The following CDH12 variants were observed in gnomAD, a reference collection of about 807,000 sequenced individuals.
The protein encoded by CDH12 is cadherin 12.
In CDH12, 41 loss-of-function variants were observed where a neutral mutation model predicts 74.1. The ratio of observed to expected loss-of-function variants is 0.55; its 90% CI spans 0.43 to 0.72. The LOEUF (loss-of-function observed/expected upper bound fraction) is 0.72, where lower values mean the gene tolerates loss of function less well. Among genes scored for constraint, CDH12 ranks in the 30% least tolerant of loss-of-function variants. The pLI, the probability that CDH12 is intolerant of heterozygous loss-of-function variation, is 0.00. For synonymous variants in CDH12, 399 were observed against 355.0 expected (o/e 1.12, Z -1.39); for missense variants, 945 against 977.2 (o/e 0.97, Z 0.44).
At chr5:21,995,380 T>A (rs1161361683) in intron 5 of CDH12, among the ~76,000 whole-genome samples, 1 of 151,892 alleles carries the variant, frequency 6.6e-6, no homozygotes, top group African/African-American at 2.4e-5. Flanking sequence ...TACTTCCTAC[T>A]GATGCGTCAG....
At chr5:22,151,180 G>T (rs1385573121) in intron 4 of CDH12, among the ~76,000 whole-genome samples, 1 of 152,050 alleles carries the variant, frequency 6.6e-6, no homozygotes, top group Admixed American at 6.6e-5. Flanking sequence ...GCTTGTCCAA[G>T]GTCACACAGC....
chr5:22,267,541 T>C (rs1736180290), intron 3 of CDH12, among the ~76,000 whole-genome samples: 1 of 152,152 alleles, frequency 6.6e-6, no homozygotes, highest in African/African-American at 2.4e-5. Context: ...AAAAAATTGC[T>C]GAGGGACCTC....
At chr5:21,956,978 T>A (rs1426188807) in intron 6 of CDH12, among the ~76,000 whole-genome samples, 1 of 151,994 alleles carries the variant, frequency 6.6e-6, no homozygotes, top group Non-Finnish European at 1.5e-5. Flanking sequence ...GGTAAACTCG[T>A]GTCACCAGGG....
chr5:21,998,353 T>G (rs1580089043), intron 5 of CDH12, among the ~76,000 whole-genome samples: 1 of 152,056 alleles, frequency 6.6e-6, no homozygotes. Context: ...TTTAAATATA[T>G]ATATACATTT....
intron 1 of CDH12, among the ~76,000 whole-genome samples, chr5:22,542,859 A>C (rs191262642): frequency 1.7e-3 from 257 of 152,274 alleles, no homozygotes; most frequent in Middle Eastern, 0.014. Context: ...GTTCACTGGC[A>C]TTGATAATTT....
intron 4 of CDH12, among the ~76,000 whole-genome samples, chr5:22,173,370 A>G (rs1749148623): frequency 6.9e-6 from 1 of 145,838 alleles, no homozygotes; most frequent in Admixed American, 7.0e-5. Flanking sequence ...TAATTATAAT[A>G]CATACACTTT....
At position 22,375,491 on chromosome 5, in the gene CDH12, A is replaced by T. The variant is rs1741481893; in HGVS notation, c.-333+29766T>A. On this transcript the variant is annotated intron_variant, in intron 3 of 14. Coordinates refer to ENST00000382254, the MANE Select transcript of CDH12 (RefSeq NM_004061.5). ...AAAAAGCTTCTACACAGCAGAGAGA[A>T]ACAGAATGAAGAGACAACCTGTTAA... is the stretch of plus-strand genomic sequence containing the variant. 2.6e-5 allele frequency among the ~76,000 whole-genome samples: 4 copies of T among 152,178 alleles called. No individual in the cohort carries two copies. In the South Asian group the frequency reaches 8.3e-4, roughly 32 times the overall value.
At chr5:22,596,397 C>T (rs974539081) in intron 1 of CDH12, among the ~76,000 whole-genome samples, 43 of 151,958 alleles carry the variant, frequency 2.8e-4, no homozygotes, top group African/African-American at 7.2e-4. Context: ...GCCAAGATGG[C>T]GCCACTGCAC....
chr5:22,300,390 G>A (rs934954377), intron 3 of CDH12, among the ~76,000 whole-genome samples: 2 of 151,400 alleles, frequency 1.3e-5, no homozygotes, highest in East Asian at 1.9e-4. Flanking sequence ...TATTAGCCCA[G>A]GAAAGCGGAT....
At chr5:21,865,235 G>A (rs1052222083) in intron 6 of CDH12, among the ~76,000 whole-genome samples, 2 of 152,066 alleles carry the variant, frequency 1.3e-5, no homozygotes, top group Non-Finnish European at 2.9e-5. Flanking sequence ...GAGAGGAGAG[G>A]ATGATTTAAA....
At chr5:21,782,148 T>C (rs1025273075) in intron 11 of CDH12, among the ~76,000 whole-genome samples, 1 of 152,026 alleles carries the variant, frequency 6.6e-6, no homozygotes, top group Non-Finnish European at 1.5e-5. Context: ...GGAGGTATGG[T>C]TGGAAGGCAG....
chr5:21,884,104 C>A, intron 6 of CDH12: 2 of 1,452,808 alleles, frequency 1.4e-6, no homozygotes, highest in Non-Finnish European at 1.9e-6. Context: ...GGTTATGATG[C>A]TATGGTTGGA....
At chr5:22,655,390 A>G (rs537737110) in intron 1 of CDH12, among the ~76,000 whole-genome samples, 3 of 152,276 alleles carry the variant, frequency 2.0e-5, no homozygotes, top group African/African-American at 7.2e-5. Context: ...TCCTTCTTTA[A>G]AAAAATCAAA....
intron 5 of CDH12, among the ~76,000 whole-genome samples, chr5:22,009,939 C>CAAAAAAAAAAAAAAAAAAAAG (rs1737200191): frequency 1.8e-5 from 1 of 54,342 alleles, no homozygotes; most frequent in Non-Finnish European, 4.1e-5. Context: ...GAAACTGTCT[C>CAAAAAAAAAAAAAAAAAAAAG]AAAAAAAAAA....
At chr5:22,836,201 T>TTTTTTTTCTTTC in intron 1 of CDH12, among the ~76,000 whole-genome samples, 1 of 122,360 alleles carries the variant, frequency 8.2e-6, no homozygotes, top group South Asian at 2.8e-4. Flanking sequence ...TGGTGCTTTT[T>TTTTTTTTCTTTC]TTTCTTTTTT....
intron 1 of CDH12, among the ~76,000 whole-genome samples, chr5:22,804,175 G>A (rs750319166): frequency 2.0e-5 from 3 of 151,794 alleles, no homozygotes; most frequent in Admixed American, 6.6e-5. Context: ...AGTATTTGGC[G>A]GCCACTAAAT....
chr5:21,890,963 A>T (rs1454007957), intron 6 of CDH12, among the ~76,000 whole-genome samples: 1 of 152,108 alleles, frequency 6.6e-6, no homozygotes, highest in East Asian at 1.9e-4. Flanking sequence ...TGTCAACGTT[A>T]TCCAAAGTAT....
chr5:22,153,915 C>CACAT (rs1747818786), intron 4 of CDH12, among the ~76,000 whole-genome samples: 1 of 57,174 alleles, frequency 1.7e-5, no homozygotes, highest in African/African-American at 7.0e-5. Context: ...CACACACATA[C>CACAT]ACACACACAC....
chr5:22,307,178 T>G (rs894179515), intron 3 of CDH12, among the ~76,000 whole-genome samples: 1 of 152,170 alleles, frequency 6.6e-6, no homozygotes, highest in Non-Finnish European at 1.5e-5. Flanking sequence ...GGATTATAAC[T>G]CTACCCCACT....
Sources: allele counts gnomAD v4.1 joint callset (sites outside exome capture counted in the v4.1 genomes callset), GRCh38; gene constraint gnomAD v4.1.1; transcripts MANE v1.5; gene names NCBI Gene and HGNC (gene_info 2026-07-23, HGNC 2026-07-21).